PCDH19: variants seen among roughly 807,000 people sequenced by gnomAD.
PCDH19 encodes protocadherin-19.
Under a neutral mutation model 46.2 loss-of-function variants are expected in PCDH19, and 6 were observed. The ratio of observed to expected loss-of-function variants is 0.13; its 90% CI spans 0.07 to 0.26. The LOEUF (loss-of-function observed/expected upper bound fraction) is 0.26. PCDH19 is among the 10% of genes least tolerant of loss of function. The probability of loss-of-function intolerance (pLI) is 1.00; values close to 1 mark genes in which losing one functional copy is unlikely to be tolerated. For synonymous variants in PCDH19, 481 were observed against 415.7 expected (o/e 1.16, Z -1.91); for missense variants, 740 against 972.3 (o/e 0.76, Z 3.18).
intron 5 of PCDH19, among the ~76,000 whole-genome samples, chrX:100,322,865 A>ATATATATATATATATATTTTTTTTTT: frequency 4.4e-4 from 24 of 54,388 alleles, no homozygotes; most frequent in African/African-American, 9.3e-4. Flanking sequence ...ATATATATAT[A>ATATATATATATATATATTTTTTTTTT]TTTTTGCAGC....
At position 100,293,941 on chromosome X, in the gene PCDH19, C is replaced by A. The variant is rs1219720001; in HGVS notation, c.*2336G>T. ...ACGTGACAATTAATGTTCCCACTTTCCACAATCTTTTCTGCTCCCTGGTTC... is the reference window on the plus strand; with the variant it reads ...ACGTGACAATTAATGTTCCCACTTTACACAATCTTTTCTGCTCCCTGGTTC... On this transcript the variant is annotated 3_prime_UTR_variant, in exon 6 of 6. Coordinates refer to ENST00000373034, the MANE Select transcript of PCDH19 (RefSeq NM_001184880.2). 1.8e-5 allele frequency: 2 copies of A among 111,743 alleles called. No individual in the cohort carries two copies. The highest frequency in any genetic ancestry group is 3.8e-5 in the Non-Finnish European group (2 of 53,146). The allele number at this position is 111,743 out of a possible 1,213,427, so 9.2% of individuals were successfully genotyped here. A position where few individuals can be genotyped will look rare whatever the true frequency, so the allele number is the denominator to read the frequency against.
chrX:100,336,533 A>AATGCT (rs1424003145), intron 5 of PCDH19, among the ~76,000 whole-genome samples: 2 of 112,261 alleles, frequency 1.8e-5, no homozygotes, highest in African/African-American at 6.5e-5. Flanking sequence ...AAACATGTTA[A>AATGCT]ATGCTATTCA....
At chrX:100,301,969 G>A (rs1924794976) in intron 5 of PCDH19, among the ~76,000 whole-genome samples, 2 of 112,109 alleles carry the variant, frequency 1.8e-5, no homozygotes, top group Admixed American at 1.9e-4. Context: ...ACATTATAAA[G>A]CAAGATGTTA....
At chrX:100,307,207 A>G (rs904341492) in intron 5 of PCDH19, among the ~76,000 whole-genome samples, 41 of 112,165 alleles carry the variant, frequency 3.7e-4, no homozygotes, top group African/African-American at 1.2e-3. Flanking sequence ...CACCATGATC[A>G]AGTGGGTTTC....
intron 5 of PCDH19, among the ~76,000 whole-genome samples, chrX:100,323,596 A>C (rs1340521990): frequency 1.8e-5 from 2 of 111,882 alleles, no homozygotes; most frequent in African/African-American, 6.5e-5. Context: ...GGTAATGTTC[A>C]GAGAAATAAA....
chrX:100,322,863 A>ATTTTTTTTTTTT (rs1358059816), intron 5 of PCDH19, among the ~76,000 whole-genome samples: 3 of 40,119 alleles, frequency 7.5e-5, no homozygotes, highest in African/African-American at 1.8e-4. Context: ...ATATATATAT[A>ATTTTTTTTTTTT]TATTTTTGCA....
In PCDH19 at chrX:100,296,121, C is replaced by T. The variant is rs1020727302; in HGVS notation, c.*156G>A. ...CCCTGCTGCCTGTTGAAACAAGGGACTGTCACAGAATGATAATCACCTATA... is the reference window on the plus strand; with the variant it reads ...CCCTGCTGCCTGTTGAAACAAGGGATTGTCACAGAATGATAATCACCTATA... On this transcript the variant is annotated 3_prime_UTR_variant, in exon 6 of 6. Transcript: ENST00000373034. 4.5e-5 allele frequency: 23 copies of T among 505,543 alleles called. No homozygotes were observed. The highest frequency in any genetic ancestry group is 7.2e-5 in the Non-Finnish European group (21 of 291,770). The allele number at this position is 505,543 out of a possible 1,213,427, so 41.7% of individuals were successfully genotyped here.
rs140775038 is a variant in PCDH19, at chrX:100,330,373, T to C, written c.2848+11530A>G. ...TGTCAAACATTTATTATTATGCAAG[T>C]TAAGGATAGAAAAGGAGAGAATATA... On this transcript the variant is annotated intron_variant, in intron 5 of 5. Transcript: ENST00000373034. Among the ~76,000 whole-genome samples the C allele has an allele frequency of 6.6e-3, 739 of 112,079 alleles. 4 individuals are homozygous for C. The highest frequency in any genetic ancestry group is 0.022 in the African/African-American group (692 of 30,892).
At position 100,409,156 on chromosome X, in the gene PCDH19, G is replaced by A. The variant is rs983554825; in HGVS notation, c.-559C>T. ...GCGCTCCCAGTTCACTGCGGAGAGA[G>A]TACCCGCTTGGAATGCGCCCTCCGG... is the stretch of plus-strand genomic sequence containing the variant. On this transcript the variant is annotated 5_prime_UTR_variant, in exon 1 of 6. Transcript: ENST00000373034. 1 of 113,202 alleles carries A rather than the reference G, an allele frequency of 8.8e-6. No homozygotes were observed. The highest frequency in any genetic ancestry group is 1.9e-5 in the Non-Finnish European group (1 of 53,321). The allele number at this position is 113,202 out of a possible 1,213,427, so 9.3% of individuals were successfully genotyped here. A position where few individuals can be genotyped will look rare whatever the true frequency, so the allele number is the denominator to read the frequency against.
At chrX:100,404,689 C>T (rs938812994) in intron 1 of PCDH19, among the ~76,000 whole-genome samples, 1 of 108,959 alleles carries the variant, frequency 9.2e-6, no homozygotes, top group Non-Finnish European at 1.9e-5. Flanking sequence ...AAAGGGCTCT[C>T]ACTTCTAGTC....
rs760603190 is a variant in PCDH19 at position 100,407,866 on chromosome X, C to T, written c.732G>A (p.Ala244=). The T allele has an allele frequency of 5.8e-6, 7 of 1,211,180 alleles. No individual in the cohort carries two copies. The highest frequency in any genetic ancestry group is 2.2e-6 in the Non-Finnish European group (2 of 895,412). Residue 244 remains alanine, a synonymous_variant, in exon 1 of 6, where the codon GCG becomes GCA. Coordinates refer to ENST00000373034, the MANE Select transcript of PCDH19 (RefSeq NM_001184880.2). ...GAGGCGAGTTTTCTGGCACGCTCAC[C>T]GCGTAGGTGGACTCGCTAAACACCG... ...NNPVFSESTY[A]VSVPENSPPN... is the part of the protein sequence containing the mutation.
rs777117284 is a variant in PCDH19 at position 100,303,933 on chromosome X, C to A, written c.2849-7058G>T. ...CTATGTGGTGTTACCTGACAGATGCCAAAGAAGTGCTATCCAAGAACCAGC... is the reference window on the plus strand; with the variant it reads ...CTATGTGGTGTTACCTGACAGATGCAAAAGAAGTGCTATCCAAGAACCAGC... On this transcript the variant is annotated intron_variant, in intron 5 of 5. Transcript: ENST00000373034. Among the ~76,000 whole-genome samples the A allele has an allele frequency of 2.1e-4, 24 of 112,262 alleles. No homozygotes were observed. The East Asian group carries it at 4.5e-3, about 21-fold the overall frequency.
intron 5 of PCDH19, among the ~76,000 whole-genome samples, chrX:100,339,590 T>C (rs1926193584): frequency 8.9e-6 from 1 of 112,438 alleles, no homozygotes; most frequent in South Asian, 3.7e-4. Context: ...TTGCTCTTTT[T>C]TGAGGTTGCA....
chrX:100,398,434 T>A (rs1928085039), intron 3 of PCDH19, among the ~76,000 whole-genome samples: 1 of 112,393 alleles, frequency 8.9e-6, no homozygotes. Context: ...GTTTGGACAC[T>A]GATACAAGAG....
chrX:100,324,219 C>T (rs1380774774), intron 5 of PCDH19, among the ~76,000 whole-genome samples: 1 of 112,095 alleles, frequency 8.9e-6, no homozygotes, highest in Non-Finnish European at 1.9e-5. Flanking sequence ...CTAGAAGTTA[C>T]AAGCCCCTCA....
chrX:100,310,833 T>G (rs2147458123), intron 5 of PCDH19, among the ~76,000 whole-genome samples: 1 of 107,333 alleles, frequency 9.3e-6, no homozygotes, highest in African/African-American at 3.4e-5. Flanking sequence ...AAAAAAATGA[T>G]AAATAAATAA....
chrX:100,324,047 C>A (rs766456328), intron 5 of PCDH19, among the ~76,000 whole-genome samples: 1 of 111,819 alleles, frequency 8.9e-6, no homozygotes, highest in East Asian at 2.8e-4. Context: ...AGTTTAAGAA[C>A]AAACCAACTG....
chrX:100,347,906 TA>T (rs1194086872), intron 4 of PCDH19, among the ~76,000 whole-genome samples: 14 of 97,502 alleles, frequency 1.4e-4, no homozygotes, highest in African/African-American at 2.6e-4. Flanking sequence ...CTACTAAAAA[TA>T]AAAAAAAAAT....
chrX:100,352,782 C>A (rs1926608853), intron 3 of PCDH19, among the ~76,000 whole-genome samples: 1 of 112,064 alleles, frequency 8.9e-6, no homozygotes, highest in Non-Finnish European at 1.9e-5. Flanking sequence ...TCCCCAGAAG[C>A]TAAGCAGATG....
Sources: gnomAD v4.1 joint callset for allele counts (sites outside exome capture counted in the v4.1 genomes callset) on GRCh38, gnomAD v4.1.1 for gene constraint, MANE v1.5 for transcripts, NCBI Gene and HGNC (gene_info 2026-07-23, HGNC 2026-07-21) for gene names.